Variants in MICU3 observed in about 807,000 individuals in gnomAD.
MICU3 encodes calcium uptake protein 3, mitochondrial.
MICU3 carries 62 observed loss-of-function variants against 66.5 expected under a neutral mutation model. The ratio of observed to expected loss-of-function variants is 0.93; its 90% CI spans 0.76 to 1.15. MICU3 has a LOEUF of 1.15. Among genes scored for constraint, MICU3 ranks in the 50% most tolerant of loss-of-function variants. The probability of loss-of-function intolerance (pLI) is 0.00; values close to 1 mark genes in which losing one functional copy is unlikely to be tolerated. For synonymous variants in MICU3, 308 were observed against 240.7 expected, an observed-to-expected ratio of 1.28 and a Z score of -2.59; for missense variants, 779 against 664.4, an observed-to-expected ratio of 1.17 and a Z score of -1.90.
At chr8:17,132,909 C>T in the MICU3 span, 1 of 152,128 alleles carries the variant, frequency 6.6e-6, no homozygotes, top group Admixed American at 6.5e-5. Flanking sequence ...GAGTGGAACC[C>T]TCATAAATGA....
At chr8:17,037,674 C>G (rs747701411) in intron 1 of MICU3, among the ~76,000 whole-genome samples, 13 of 152,196 alleles carry the variant, frequency 8.5e-5, no homozygotes, top group Admixed American at 5.2e-4. Context: ...GGGCCACCAT[C>G]CTCCAGACCC....
intron 8 of MICU3, among the ~76,000 whole-genome samples, chr8:17,096,052 T>C (rs1800646679): frequency 6.6e-6 from 1 of 151,992 alleles, no homozygotes; most frequent in South Asian, 2.1e-4. Flanking sequence ...TTACCTCTTT[T>C]AATGAAGGTC....
chr8:17,110,738 G>C (rs970855699), intron 11 of MICU3, among the ~76,000 whole-genome samples: 1 of 146,304 alleles, frequency 6.8e-6, no homozygotes, highest in Non-Finnish European at 1.5e-5. Flanking sequence ...AATTTTTTTG[G>C]GGAGGGGGGG....
intron 2 of MICU3, among the ~76,000 whole-genome samples, chr8:17,068,332 A>G (rs966445531): frequency 1.3e-5 from 2 of 152,172 alleles, no homozygotes; most frequent in African/African-American, 4.8e-5. Context: ...ATAATTTACC[A>G]TGGAAATCTC....
chr8:17,096,397 A>C (rs1008260019), intron 8 of MICU3, among the ~76,000 whole-genome samples: 1 of 151,810 alleles, frequency 6.6e-6, no homozygotes, highest in Non-Finnish European at 1.5e-5. Context: ...AAAACTTCCT[A>C]CTAGTTTGCA....
At chr8:17,122,979 A>G (rs1007855146), downstream of MICU3, among the ~76,000 whole-genome samples, 1 of 152,066 alleles carries the variant, frequency 6.6e-6, no homozygotes, top group African/African-American at 2.4e-5. Context: ...AAATGTTTCA[A>G]AATACACTAG....
chr8:17,070,896 T>C (rs1819487348), intron 3 of MICU3, among the ~76,000 whole-genome samples: 1 of 152,126 alleles, frequency 6.6e-6, no homozygotes, highest in Admixed American at 6.6e-5. Flanking sequence ...ACGAGAGAAC[T>C]ACTAAGTGCC....
At chr8:17,108,432 A>G (rs1399428254) in intron 11 of MICU3, among the ~76,000 whole-genome samples, 1 of 152,106 alleles carries the variant, frequency 6.6e-6, no homozygotes, top group Admixed American at 6.5e-5. Flanking sequence ...TCTTAGACTT[A>G]ATGGTTGCAA....
At chr8:17,088,497 C>G (rs1170360130) in intron 7 of MICU3, among the ~76,000 whole-genome samples, 1 of 151,820 alleles carries the variant, frequency 6.6e-6, no homozygotes, top group East Asian at 1.9e-4. Flanking sequence ...TATATTACCT[C>G]TAACTATAAT....
intron 1 of MICU3, among the ~76,000 whole-genome samples, chr8:17,035,870 G>A (rs1287165921): frequency 6.6e-6 from 1 of 152,170 alleles, no homozygotes; most frequent in Non-Finnish European, 1.5e-5. Context: ...CCAAATGTTA[G>A]TCACCAAGAC....
chr8:17,027,633 C>T lies in MICU3; in HGVS notation c.354C>T (p.Pro118=), dbSNP rs1811231619. 2 of 1,308,452 alleles carry T rather than the reference C, an allele frequency of 1.5e-6. No homozygotes were observed. The highest frequency in any genetic ancestry group is 1.9e-6 in the Non-Finnish European group (2 of 1,032,400). 81.1% of individuals were successfully genotyped at this position (1,308,452 alleles called of 1,614,324 possible). A position where few individuals can be genotyped will look rare whatever the true frequency, so the allele number is the denominator to read the frequency against. The change falls in exon 1 of 15, where the codon CCC becomes CCT. Residue 118 remains proline, a synonymous_variant. Transcript: ENST00000318063. The stretch of plus-strand genomic sequence containing the variant: ...CGCCCCGCGGCCGGGGGATGCTGCC[C>T]ATCCCAGTGGCGGCTGCCAAGGAGA... ...EDPPRGRGML[P]IPVAAAKETV...
chr8:17,056,182 T>C (rs559981310), intron 1 of MICU3, among the ~76,000 whole-genome samples: 2 of 152,324 alleles, frequency 1.3e-5, no homozygotes, highest in East Asian at 3.9e-4. Flanking sequence ...TGACCTTATG[T>C]CAATTCCCCA....
chr8:17,066,822 C>T (rs1176076545), intron 2 of MICU3, among the ~76,000 whole-genome samples: 1 of 152,056 alleles, frequency 6.6e-6, no homozygotes, highest in Admixed American at 6.5e-5. Flanking sequence ...GCTGGGATTA[C>T]AGGCGTGAGC....
At position 17,066,826 on chromosome 8, in the gene MICU3, C is replaced by T. The variant is rs573146123; in HGVS notation, c.535+2589C>T. Among the ~76,000 whole-genome samples the T allele has an allele frequency of 9.9e-5, 15 of 152,042 alleles. 1 individual carries two copies. In the South Asian group the frequency reaches 1.9e-3, roughly 19 times the overall value. ...CCTCCCAAAGTGCTGGGATTACAGG[C>T]GTGAGCTACTGTGCCTGGCCACAGT... On this transcript the variant is annotated intron_variant, in intron 2 of 14. Transcript: ENST00000318063.
intron 12 of MICU3, among the ~76,000 whole-genome samples, chr8:17,115,011 T>C (rs1366857490): frequency 1.7e-4 from 25 of 149,532 alleles, no homozygotes; most frequent in African/African-American, 5.4e-4. Flanking sequence ...CCCAGCTACT[T>C]GGGAGGCTGA....
rs1177972409 is a variant in MICU3 at position 17,027,454 on chromosome 8, A to AGGC, written c.186_188dup (p.Arg63dup). ...GAGGGCTGTGGCGGAGGCGGCATGG[A>AGGC]GGCGGCGGCGGCGCTGGGGGGAGCT... On this transcript the variant is annotated inframe_insertion, in exon 1 of 15. Transcript: ENST00000318063. 8 of 1,297,592 alleles carry AGGC rather than the reference A, an allele frequency of 6.2e-6. No homozygotes were observed. The highest frequency in any genetic ancestry group is 1.5e-5 in the African/African-American group (1 of 64,554). The allele number at this position is 1,297,592 out of a possible 1,614,324, so 80.4% of individuals were successfully genotyped here.
chr8:17,098,495 G>A lies in MICU3; in HGVS notation c.926G>A (p.Ser309Asn), dbSNP rs1800962984. 1 of 1,611,632 alleles carries A rather than the reference G, an allele frequency of 6.2e-7. No individual in the cohort carries two copies. The highest frequency in any genetic ancestry group is 1.3e-5 in the African/African-American group (1 of 74,708). ...KTDAEELVSR[S>N]YWDTLRRNTS... ...GATGCTGAGGAACTTGTCTCCAGAA[G>A]CTATTGGGATACACTGAGACGTAAC... Residue 309 changes from serine (S) to asparagine (N), a missense_variant, in exon 9 of 15, where the codon AGC (serine) becomes AAC (asparagine). Physicochemically the swap from Ser to Asn is conservative, Grantham distance 46. Coordinates refer to ENST00000318063, the MANE Select transcript of MICU3 (RefSeq NM_181723.3).
intron 11 of MICU3, among the ~76,000 whole-genome samples, chr8:17,108,756 G>A (rs912916367): frequency 1.1e-4 from 16 of 152,004 alleles, no homozygotes; most frequent in African/African-American, 1.2e-4. Context: ...TAGAATTCAC[G>A]GAAATGTTTT....
At chr8:17,107,459 G>C (rs774227421) in intron 11 of MICU3, among the ~76,000 whole-genome samples, 4 of 152,146 alleles carry the variant, frequency 2.6e-5, no homozygotes, top group Non-Finnish European at 4.4e-5. Context: ...AGGAGAGGTA[G>C]ATATGGGTCA....
Sources: gnomAD v4.1 joint callset for allele counts (sites outside exome capture counted in the v4.1 genomes callset) on GRCh38, gnomAD v4.1.1 for gene constraint, MANE v1.5 for transcripts, NCBI Gene and HGNC (gene_info 2026-07-23, HGNC 2026-07-21) for gene names.